Variants in PHF2 observed in about 807,000 individuals in gnomAD.
PHF2 encodes the protein PHD finger protein 2.
Under a neutral mutation model 120.5 loss-of-function variants are expected in PHF2, and 27 were observed. That is an observed-to-expected ratio of 0.22 (90% CI 0.17 to 0.31). PHF2 has a LOEUF of 0.31. Ranked by LOEUF, PHF2 falls within the 10% of genes least tolerant of loss-of-function variation. PHF2 has a pLI of 1.00. For synonymous variants in PHF2, 568 were observed against 592.5 expected, an observed-to-expected ratio of 0.96 and a Z score of 0.60; for missense variants, 1,024 against 1,434.8, an observed-to-expected ratio of 0.71 and a Z score of 4.63.
intron 19 of PHF2, 116 bp from the exon 20 acceptor site, chr9:93,675,564 C>T: frequency 2.6e-6 from 2 of 774,046 alleles, no homozygotes; most frequent in Non-Finnish European, 4.3e-6. Flanking sequence ...AATCCCTGTG[C>T]TTAGGCCTGC....
chr9:93,656,384 G>A lies in PHF2; in HGVS notation c.1041-105G>A. 1 of 812,002 alleles carries A rather than the reference G, an allele frequency of 1.2e-6. No homozygotes were observed. Among genetic ancestry groups the A allele is most frequent in the Non-Finnish European group, 2.1e-6 (1 of 479,730 alleles). 50.3% of individuals were successfully genotyped at this position (812,002 alleles called of 1,614,324 possible). On this transcript the variant is annotated intron_variant, in intron 8 of 21. Transcript: ENST00000359246. The surrounding 1 kb of genome is among the most constrained non-coding windows in gnomAD (Gnocchi z 4.1). ...CCCTGGTCCTCCTCAGCTATGCAGG[G>A]CCCAGTGGGGAGGCCTGAGCTGGTG... is the stretch of plus-strand genomic sequence containing the variant.
At chr9:93,661,534 A>C (rs993622581) in intron 12 of PHF2, among the ~76,000 whole-genome samples, 20 of 152,150 alleles carry the variant, frequency 1.3e-4, no homozygotes, top group African/African-American at 4.3e-4. Context: ...TGAATAGATG[A>C]ATGAATAGAT....
Position 93,645,757 on chromosome 9 carries a change from C to A in PHF2, c.428C>A (p.Thr143Lys). The A allele has an allele frequency of 6.2e-7, 1 of 1,607,356 alleles. No homozygotes were observed. The highest frequency in any genetic ancestry group is 8.5e-7 in the Non-Finnish European group (1 of 1,177,258). ...CTGGGTCTGGCTGTCCCGGCCCCCA[C>A]GTTCTATGTCAGTGACGTCGAGAAC... ...DGLGLAVPAP[T>K]FYVSDVENYV... Residue 143 changes from threonine to lysine, a missense_variant, in exon 4 of 22, where the codon ACG (threonine) becomes AAG (lysine). This residue lies in a region of PHF2 where 347 missense variants were observed against 577.4 expected (regional missense o/e 0.60). Coordinates refer to ENST00000359246, the MANE Select transcript of PHF2 (RefSeq NM_005392.4).
intron 17 of PHF2, 146 bp downstream of exon 17, chr9:93,667,386 C>A (rs1826702689): frequency 2.3e-6 from 2 of 862,482 alleles, no homozygotes; most frequent in South Asian, 1.7e-5. Context: ...GAAGGGCACA[C>A]CTCAGATGTT....
intron 1 of PHF2, among the ~76,000 whole-genome samples, chr9:93,593,540 GA>G (rs1825274181): frequency 6.6e-6 from 1 of 152,162 alleles, no homozygotes; most frequent in South Asian, 2.1e-4. Flanking sequence ...ATTTTTTAAA[GA>G]GACCATGCCC....
intron 7 of PHF2, 133 bp from the exon 8 acceptor site, chr9:93,655,801 G>A (rs1826448476): frequency 1.9e-5 from 12 of 640,318 alleles, no homozygotes; most frequent in Non-Finnish European, 2.5e-5. Context: ...CAAGGTGTAG[G>A]CGGGCAGGAG....
chr9:93,648,237 C>T (rs1171524598), intron 4 of PHF2, among the ~76,000 whole-genome samples: 1 of 152,202 alleles, frequency 6.6e-6, no homozygotes, highest in Non-Finnish European at 1.5e-5. Flanking sequence ...ATTTGGTTGC[C>T]AGCGTCCCAG....
intron 17 of PHF2, among the ~76,000 whole-genome samples, chr9:93,673,097 T>G (rs548360151): frequency 1.3e-5 from 2 of 151,932 alleles, no homozygotes; most frequent in Admixed American, 6.5e-5. Context: ...CTGCCCCATC[T>G]CAGGGTGACA....
At chr9:93,598,837 C>A (rs10821169) in intron 1 of PHF2, among the ~76,000 whole-genome samples, 1 of 151,930 alleles carries the variant, frequency 6.6e-6, no homozygotes, top group African/African-American at 2.4e-5. Flanking sequence ...GGAATGCATT[C>A]CCCTAAGAAG....
rs1825417059 is a variant in PHF2, at chr9:93,600,326, G to A, written c.98+23455G>A. ...GTTAGGCACCTCACATTTCTTCCAA[G>A]GGGAAGAGGCAGCTCCTGGAGGGCA... On this transcript the variant is annotated intron_variant, in intron 1 of 21. Coordinates refer to ENST00000359246, the MANE Select transcript of PHF2 (RefSeq NM_005392.4). Among the ~76,000 whole-genome samples the A allele has an allele frequency of 1.3e-5, 2 of 152,136 alleles. 1 individual carries two copies. The highest frequency in any genetic ancestry group is 4.1e-4 in the South Asian group (2 of 4,828).
intron 1 of PHF2, among the ~76,000 whole-genome samples, chr9:93,616,972 G>A (rs1177652528): frequency 1.3e-5 from 2 of 152,044 alleles, no homozygotes; most frequent in Non-Finnish European, 2.9e-5. Flanking sequence ...TTTTTTAAAT[G>A]TCAAAATTAG....
chr9:93,576,796 G>T lies in PHF2; in HGVS notation c.23G>T (p.Cys8Phe). The part of the protein sequence containing the change: MATVPVY[C>F]VCRLPYDVTR... Reference sequence around the variant, plus strand: ...AACATGGCGACGGTGCCCGTGTACTGCGTCTGCCGGCTCCCCTACGACGTT... The same window carrying T: ...AACATGGCGACGGTGCCCGTGTACTTCGTCTGCCGGCTCCCCTACGACGTT... The change falls in exon 1 of 22, where the codon TGC becomes TTC. Residue 8 changes from cysteine to phenylalanine, a missense_variant. Cys to Phe is a radical substitution (Grantham distance 205, BLOSUM62 -2). This residue lies in a region of PHF2 where 347 missense variants were observed against 577.4 expected (regional missense o/e 0.60). Transcript: ENST00000359246. 1 of 1,283,866 alleles carries T rather than the reference G, an allele frequency of 7.8e-7. No individual in the cohort carries two copies. Among genetic ancestry groups the T allele is most frequent in the Non-Finnish European group, 1.0e-6 (1 of 981,700 alleles). 79.5% of individuals were successfully genotyped at this position (1,283,866 alleles called of 1,614,324 possible). A position where few individuals can be genotyped will look rare whatever the true frequency, so the allele number is the denominator to read the frequency against.
chr9:93,616,868 C>T (rs1340039477), intron 1 of PHF2, among the ~76,000 whole-genome samples: 1 of 152,100 alleles, frequency 6.6e-6, no homozygotes, highest in African/African-American at 2.4e-5. Flanking sequence ...GTTGGCCAGG[C>T]TAGTCTTGAA....
intron 3 of PHF2, among the ~76,000 whole-genome samples, chr9:93,637,371 C>G (rs1434358818): frequency 2.0e-5 from 3 of 152,186 alleles, no homozygotes; most frequent in Non-Finnish European, 4.4e-5. Context: ...GTGGATTTTA[C>G]TGTATTCACA....
intron 20 of PHF2, among the ~76,000 whole-genome samples, 164 bp from the exon 21 acceptor site, chr9:93,676,430 C>T (rs1045692782): frequency 2.6e-5 from 4 of 152,154 alleles, no homozygotes; most frequent in Non-Finnish European, 5.9e-5. Flanking sequence ...GCGCCCTGTC[C>T]GTGTGCATGC....
In PHF2 at chr9:93,654,442, G is replaced by A. The variant is rs758231547; in HGVS notation, c.819G>A (p.Pro273=). 64 of 1,613,622 alleles carry A rather than the reference G, an allele frequency of 4.0e-5. No individual in the cohort carries two copies. Among genetic ancestry groups the A allele is most frequent in the African/African-American group, 2.3e-4 (17 of 74,910 alleles). Residue 273 remains proline (P), a synonymous_variant, in exon 7 of 22, where the codon CCG becomes CCA. Coordinates refer to ENST00000359246, the MANE Select transcript of PHF2 (RefSeq NM_005392.4). The part of the protein sequence containing the change: ...KGEKTFYLIR[P]ASANISLYER... The stretch of plus-strand genomic sequence containing the variant: ...AGAAGACCTTCTATCTCATCAGGCC[G>A]GCCTCGGCCAACATCTCCCTGTATG...
Position 93,657,339 on chromosome 9 carries a change from C to T in PHF2, c.1147+744C>T, listed in dbSNP as rs528786253. On this transcript the variant is annotated intron_variant, in intron 9 of 21. Transcript: ENST00000359246. ...AAGGTAAAATGGTCCTTAGTCACGG[C>T]TGGCCAGGTTGCGGTAAGATTTTCC... Among the ~76,000 whole-genome samples the T allele has an allele frequency of 4.6e-5, 7 of 152,314 alleles. No individual in the cohort carries two copies. The East Asian group carries it at 1.2e-3, about 25-fold the overall frequency.
chr9:93,674,526 C>T (rs1826872294), intron 18 of PHF2, among the ~76,000 whole-genome samples: 2 of 152,180 alleles, frequency 1.3e-5, no homozygotes, highest in Admixed American at 1.3e-4. Flanking sequence ...GGGTCCCATC[C>T]TTCCCTGGTT....
intron 5 of PHF2, 117 bp from the exon 6 acceptor site, chr9:93,653,062 G>A (rs1200507678): frequency 1.0e-5 from 9 of 858,972 alleles, no homozygotes; most frequent in East Asian, 5.3e-5. Flanking sequence ...GCTGTGACCC[G>A]TGGCCCGCAG....
Sources: allele counts gnomAD v4.1 joint callset (sites outside exome capture counted in the v4.1 genomes callset), GRCh38; gene constraint gnomAD v4.1.1; regional missense constraint gnomAD v4.1.1; non-coding constraint Gnocchi (gnomAD v3.1); transcripts MANE v1.5; gene names NCBI Gene and HGNC (gene_info 2026-07-23, HGNC 2026-07-21).